Variants in UGGT2 observed in about 807,000 individuals in gnomAD.
UGGT2 encodes the protein UDP-glucose glycoprotein glucosyltransferase 2.
Under a neutral mutation model 192.1 loss-of-function variants are expected in UGGT2, and 180 were observed. That is an observed-to-expected ratio of 0.94 (90% CI 0.83 to 1.06). The LOEUF (loss-of-function observed/expected upper bound fraction) is 1.06. Ranked by LOEUF, UGGT2 falls within the 50% of genes least tolerant of loss-of-function variation. The pLI is 0.00. For missense variants in UGGT2, 1,849 were observed against 1,795.7 expected (o/e 1.03, Z -0.54); for synonymous variants, 580 against 591.0 (o/e 0.98, Z 0.27).
chr13:95,983,844 A>T lies in UGGT2; in HGVS notation c.1052T>A (p.Val351Glu). 6.4e-7 allele frequency: 1 copy of T among 1,569,026 alleles called. No homozygotes were observed. The highest frequency in any genetic ancestry group is 8.6e-7 in the Non-Finnish European group (1 of 1,157,746). The change falls in exon 10 of 39, where the codon GTA (valine) becomes GAA (glutamate). Residue 351 changes from valine to glutamate, a missense_variant. Transcript: ENST00000376747. ...IKARSLTRIAVNQHMREEIKE... is the reference protein window; with the variant it reads ...IKARSLTRIAENQHMREEIKE... ...TATTTCTTCTCTCATATGTTGATTT[A>T]CAGCAATTCTGGTTAGAGATCTGGA...
intron 25 of UGGT2, among the ~76,000 whole-genome samples, chr13:95,890,208 A>G (rs938190845): frequency 1.3e-5 from 2 of 152,194 alleles, no homozygotes; most frequent in South Asian, 4.1e-4. Flanking sequence ...GTTTTATCCA[A>G]TTAAGCTTAA....
intron 17 of UGGT2, among the ~76,000 whole-genome samples, chr13:95,929,081 G>A (rs2049150322): frequency 6.6e-6 from 1 of 152,082 alleles, no homozygotes; most frequent in Non-Finnish European, 1.5e-5. Flanking sequence ...GCAATCCCAG[G>A]CACTAGGCAG....
At chr13:95,847,483 C>A (rs192419812) in intron 36 of UGGT2, among the ~76,000 whole-genome samples, 69 of 152,308 alleles carry the variant, frequency 4.5e-4, no homozygotes, top group Admixed American at 2.3e-3. Context: ...CAAACTCTGA[C>A]AACCACTTAT....
intron 14 of UGGT2, among the ~76,000 whole-genome samples, chr13:95,947,729 T>C (rs552837816): frequency 6.6e-6 from 1 of 152,094 alleles, no homozygotes; most frequent in South Asian, 2.1e-4. Context: ...GTGCTGGGAT[T>C]ACAAGCATAT....
intron 5 of UGGT2, among the ~76,000 whole-genome samples, chr13:96,004,176 GAAA>G (rs35910583): frequency 1.4e-5 from 2 of 139,526 alleles, no homozygotes; most frequent in South Asian, 2.3e-4. Context: ...GCAACTCTAG[GAAA>G]AAAAAAAAAA....
rs567842425 is a variant in UGGT2, at chr13:95,917,018, A to G, written c.2295+8662T>C. 3.3e-5 allele frequency among the ~76,000 whole-genome samples: 5 copies of G among 152,170 alleles called. No individual in the cohort carries two copies. In the South Asian group the frequency reaches 8.3e-4, roughly 25 times the overall value. ...AACTTCCCCAATCTAGCAGGAAAAG[A>G]CAACATTTAAATTCAGGAAATGTGG... On this transcript the variant is annotated intron_variant, in intron 20 of 38. Transcript: ENST00000376747.
At chr13:95,946,373 T>C (rs1462930749) in intron 15 of UGGT2, among the ~76,000 whole-genome samples, 4 of 152,184 alleles carry the variant, frequency 2.6e-5, no homozygotes, top group Admixed American at 1.3e-4. Flanking sequence ...TCTGCAATGA[T>C]TTTTTGTTTT....
intron 12 of UGGT2, among the ~76,000 whole-genome samples, chr13:95,954,594 G>A (rs757118478): frequency 8.5e-5 from 13 of 152,160 alleles, no homozygotes; most frequent in Non-Finnish European, 7.4e-5. Flanking sequence ...CCTTTCTATT[G>A]ATTCCAGATA....
chr13:95,853,239 C>T (rs903323799), intron 36 of UGGT2, among the ~76,000 whole-genome samples: 9 of 152,078 alleles, frequency 5.9e-5, no homozygotes, highest in African/African-American at 1.7e-4. Flanking sequence ...TATAAATTAC[C>T]CAGTCTTGGG....
chr13:96,023,241 CTCA>C (rs1291130966), intron 3 of UGGT2, 89 bp from the exon 4 acceptor site: 5 of 1,045,416 alleles, frequency 4.8e-6, no homozygotes, highest in Middle Eastern at 2.2e-4. Context: ...ATTAAAATAA[CTCA>C]TCAACTACTA....
chr13:95,899,678 T>C (rs929391892), intron 22 of UGGT2, among the ~76,000 whole-genome samples: 4 of 152,126 alleles, frequency 2.6e-5, no homozygotes, highest in Non-Finnish European at 4.4e-5. Context: ...CTTAAAATGC[T>C]TGACATGGTC....
intron 9 of UGGT2, chr13:95,985,401 A>G (rs750848755): frequency 3.3e-5 from 17 of 508,352 alleles, no homozygotes; most frequent in Non-Finnish European, 5.4e-5. Context: ...GGTATCTTGT[A>G]GCCAACCATG....
At chr13:95,940,877 G>A (rs1276407132) in intron 15 of UGGT2, among the ~76,000 whole-genome samples, 3 of 152,180 alleles carry the variant, frequency 2.0e-5, no homozygotes, top group Non-Finnish European at 2.9e-5. Flanking sequence ...ACAGGCATAA[G>A]CCACCATGCC....
chr13:95,998,301 G>C (rs529305323), intron 6 of UGGT2, among the ~76,000 whole-genome samples: 1 of 152,320 alleles, frequency 6.6e-6, no homozygotes, highest in African/African-American at 2.4e-5. Context: ...GACTACAAGA[G>C]AGTAAATTAT....
Position 95,884,599 on chromosome 13 carries a change from C to T in UGGT2, c.3120G>A (p.Leu1040=). The T allele has an allele frequency of 6.2e-7, 1 of 1,613,864 alleles. No individual in the cohort carries two copies. Among genetic ancestry groups the T allele is most frequent in the East Asian group, 2.2e-5 (1 of 44,832 alleles). ...VSSLGPVAKF[L]DIPESPLLIL... ...TTAGGAGGGGTGATTCAGGAATATC[C>T]AAAAATTTTGCCACTGGTCCAAGAG... Residue 1040 remains leucine, a synonymous_variant, in exon 27 of 39, where the codon TTG becomes TTA. Coordinates refer to ENST00000376747, the MANE Select transcript of UGGT2 (RefSeq NM_020121.4).
intron 20 of UGGT2, among the ~76,000 whole-genome samples, chr13:95,925,137 G>C (rs537318208): frequency 2.5e-4 from 38 of 152,134 alleles, no homozygotes; most frequent in Middle Eastern, 6.8e-3. Context: ...TATTAACTTA[G>C]AAATACAGAC....
chr13:95,853,552 G>A lies in UGGT2; in HGVS notation c.4275C>T (p.Asn1425=). The A allele has an allele frequency of 6.2e-7, 1 of 1,613,024 alleles. No individual in the cohort carries two copies. Residue 1425 remains asparagine (N), a synonymous_variant, in exon 36 of 39, where the codon AAC becomes AAT. Coordinates refer to ENST00000376747, the MANE Select transcript of UGGT2 (RefSeq NM_020121.4). ...TTAACATTTTACTTACCTGATCTAG[G>A]TTTGAAAGACTGTTTGGATCTTGAC... ...ALSQDPNSLS[N]LDQDLPNNMI...
intron 28 of UGGT2, 48 bp downstream of exon 28, chr13:95,877,650 A>G (rs1444474789): frequency 1.3e-6 from 2 of 1,563,672 alleles, no homozygotes; most frequent in African/African-American, 1.4e-5. Flanking sequence ...GAAAACAGAG[A>G]ATTCACCAAA....
At chr13:96,049,932 C>T (rs1272344723) in intron 1 of UGGT2, among the ~76,000 whole-genome samples, 4 of 152,152 alleles carry the variant, frequency 2.6e-5, no homozygotes. Flanking sequence ...TCAATGCCAT[C>T]CCCATCAAGC....
Sources: allele counts gnomAD v4.1 joint callset (sites outside exome capture counted in the v4.1 genomes callset), GRCh38; gene constraint gnomAD v4.1.1; transcripts MANE v1.5; gene names NCBI Gene and HGNC (gene_info 2026-07-23, HGNC 2026-07-21).